The following CEP135 variants were observed in gnomAD, a reference collection of about 807,000 sequenced individuals.
CEP135 encodes the protein centrosomal protein of 135 kDa.
A neutral mutation model predicts 157.3 loss-of-function variants in CEP135; 142 were observed. The ratio of observed to expected loss-of-function variants is 0.90; its 90% confidence interval spans 0.79 to 1.04. The LOEUF (loss-of-function observed/expected upper bound fraction) is 1.04, where lower values mean the gene tolerates loss of function less well. CEP135 is among the 50% of genes least tolerant of loss of function. The probability of loss-of-function intolerance (pLI) is 0.00; values close to 1 mark genes in which losing one functional copy is unlikely to be tolerated. For synonymous variants in CEP135, 396 were observed against 439.8 expected (o/e 0.90, Z 1.25); for missense variants, 1,317 against 1,309.2 (o/e 1.01, Z -0.09).
intron 6 of CEP135, chr4:55,959,988 T>C: frequency 6.7e-6 from 4 of 598,616 alleles, no homozygotes; most frequent in Non-Finnish European, 8.7e-6. Flanking sequence ...TGTGGTGGCA[T>C]GTGCCTATGG....
In CEP135 at chr4:55,964,472, A is replaced by G. The variant is rs1388123267; in HGVS notation, c.828+70A>G. On this transcript the variant is annotated intron_variant, in intron 7 of 25. Coordinates refer to ENST00000257287, the MANE Select transcript of CEP135 (RefSeq NM_025009.5). Reference sequence around the variant, plus strand: ...TTATAATAAACACTATATGTTTATAATGGTCTATGGGTTTGTAAAAGTGGC... The same window carrying G: ...TTATAATAAACACTATATGTTTATAGTGGTCTATGGGTTTGTAAAAGTGGC... 5 of 1,307,216 alleles carry G rather than the reference A, an allele frequency of 3.8e-6. No individual in the cohort carries two copies. In the South Asian group the frequency reaches 6.2e-5, roughly 16 times the overall value. The allele number at this position is 1,307,216 out of a possible 1,614,324, so 81.0% of individuals were successfully genotyped here.
At chr4:55,968,019 C>T (rs1728897697) in intron 8 of CEP135, among the ~76,000 whole-genome samples, 1 of 152,170 alleles carries the variant, frequency 6.6e-6, no homozygotes, top group African/African-American at 2.4e-5. Context: ...AGAAAGCCTT[C>T]AACATTCCGC....
chr4:56,007,882 A>G (rs969097294), intron 17 of CEP135, among the ~76,000 whole-genome samples: 2 of 152,144 alleles, frequency 1.3e-5, no homozygotes, highest in Non-Finnish European at 2.9e-5. Flanking sequence ...TAATGTTAGC[A>G]TTGTATATTT....
At chr4:55,984,967 T>C (rs1729527332) in intron 13 of CEP135, among the ~76,000 whole-genome samples, 1 of 152,210 alleles carries the variant, frequency 6.6e-6, no homozygotes, top group Non-Finnish European at 1.5e-5. Flanking sequence ...AACCTGCTGG[T>C]TTTGTCCTTT....
intron 19 of CEP135, among the ~76,000 whole-genome samples, chr4:56,010,508 G>T (rs1417050725): frequency 1.3e-5 from 2 of 152,132 alleles, no homozygotes; most frequent in East Asian, 1.9e-4. Flanking sequence ...AAACCTAAAG[G>T]TGGGAGCATG....
chr4:55,968,579 A>G (rs967231823), intron 8 of CEP135, among the ~76,000 whole-genome samples: 2 of 152,156 alleles, frequency 1.3e-5, no homozygotes, highest in African/African-American at 4.8e-5. Context: ...ATCCTTGTGC[A>G]CACAGCATGC....
chr4:55,966,036 T>C (rs1002205172), intron 8 of CEP135, 177 bp downstream of exon 8: 9 of 565,330 alleles, frequency 1.6e-5, no homozygotes, highest in Admixed American at 3.3e-5. Flanking sequence ...CTGTAAATGA[T>C]TGTAGTTGTT....
intron 17 of CEP135, among the ~76,000 whole-genome samples, chr4:56,000,718 G>A (rs1366859999): frequency 2.6e-5 from 4 of 152,098 alleles, no homozygotes; most frequent in Non-Finnish European, 5.9e-5. Context: ...TATACCGGGG[G>A]CAGATATTTC....
chr4:55,960,478 T>A (rs1728643142), intron 6 of CEP135: 1 of 152,272 alleles, frequency 6.6e-6, no homozygotes, highest in Non-Finnish European at 1.5e-5. Context: ...CTTAATATGC[T>A]TCTTGAAGGT....
intron 14 of CEP135, among the ~76,000 whole-genome samples, chr4:55,989,715 T>G (rs1027717254): frequency 2.1e-4 from 32 of 152,244 alleles, no homozygotes; most frequent in African/African-American, 7.5e-4. Context: ...ATAAAAGATA[T>G]TCTACCTCAA....
chr4:55,977,876 T>G (rs1284149398), intron 11 of CEP135, among the ~76,000 whole-genome samples: 1 of 152,196 alleles, frequency 6.6e-6, no homozygotes, highest in Non-Finnish European at 1.5e-5. Context: ...TTCCTTATTA[T>G]TTGCTGGTTC....
chr4:55,991,872 C>G, intron 14 of CEP135, 62 bp from the exon 15 acceptor site: 4 of 833,426 alleles, frequency 4.8e-6, no homozygotes, highest in Non-Finnish European at 7.0e-6. Context: ...TAAAGAGTGC[C>G]TAAGAAAAAT....
chr4:55,954,148 G>C (rs1271148613), intron 3 of CEP135, 68 bp from the exon 4 acceptor site: 4 of 1,386,836 alleles, frequency 2.9e-6, no homozygotes, highest in Non-Finnish European at 2.9e-6. Flanking sequence ...TTTGTATTTT[G>C]TGAAATGGAA....
chr4:56,004,161 T>C (rs1730271656), intron 17 of CEP135, among the ~76,000 whole-genome samples: 1 of 152,244 alleles, frequency 6.6e-6, no homozygotes. Context: ...AATTTCTTCA[T>C]TGACCCATTG....
intron 15 of CEP135, among the ~76,000 whole-genome samples, chr4:55,992,996 A>G (rs1173158742): frequency 6.6e-6 from 1 of 152,196 alleles, no homozygotes; most frequent in South Asian, 2.1e-4. Flanking sequence ...TCAGGAAAAG[A>G]TTTTCAAATG....
At chr4:55,956,492 C>T (rs915114800) in intron 4 of CEP135, among the ~76,000 whole-genome samples, 20 of 152,196 alleles carry the variant, frequency 1.3e-4, no homozygotes, top group African/African-American at 4.3e-4. Flanking sequence ...TTGCTACTTA[C>T]AATTTCAGTT....
chr4:56,020,883 G>C lies in CEP135; in HGVS notation c.3320+103G>C, dbSNP rs538582880. On this transcript the variant is annotated intron_variant, in intron 24 of 25. Transcript: ENST00000257287. ...TTACAAATAACAAACTTTTTAAAAA[G>C]CTAATACATAAAGTACATTTCTTTG... The C allele has an allele frequency of 1.2e-5, 10 of 803,888 alleles. No individual in the cohort carries two copies. The South Asian group carries it at 1.7e-4, about 14-fold the overall frequency. 49.8% of individuals were successfully genotyped at this position (803,888 alleles called of 1,614,324 possible). A position where few individuals can be genotyped will look rare whatever the true frequency, so the allele number is the denominator to read the frequency against.
At chr4:55,967,932 T>C (rs1321947935) in intron 8 of CEP135, among the ~76,000 whole-genome samples, 1 of 152,136 alleles carries the variant, frequency 6.6e-6, no homozygotes, top group Non-Finnish European at 1.5e-5. Context: ...GCCAGAGCAG[T>C]TAGGCAAGAA....
chr4:56,024,469 A>G, intron 24 of CEP135, 32 bp from the exon 25 acceptor site: 1 of 1,528,474 alleles, frequency 6.5e-7, no homozygotes. Flanking sequence ...TGGTGCTTGA[A>G]TATATCTCTC....
Sources: gnomAD v4.1 joint callset for allele counts (sites outside exome capture counted in the v4.1 genomes callset) on GRCh38, gnomAD v4.1.1 for gene constraint, MANE v1.5 for transcripts, NCBI Gene and HGNC (gene_info 2026-07-23, HGNC 2026-07-21) for gene names.